FARP1: variants seen among roughly 807,000 people sequenced by gnomAD.
FARP1 encodes the protein FERM, ARHGEF and pleckstrin domain-containing protein 1.
FARP1 carries 52 observed loss-of-function variants against 128.8 expected under a neutral mutation model. The observed-to-expected ratio is 0.40, with a 90% confidence interval of 0.32 to 0.51. The LOEUF (loss-of-function observed/expected upper bound fraction) is 0.51. FARP1 is among the 20% of genes least tolerant of loss of function. The pLI is 0.45. For missense variants in FARP1, 1,333 were observed against 1,367.9 expected (o/e 0.97, Z 0.40); for synonymous variants, 580 against 551.8 (o/e 1.05, Z -0.72).
chr13:98,160,939 A>C (rs1359432198), intron 1 of FARP1, among the ~76,000 whole-genome samples: 1 of 152,034 alleles, frequency 6.6e-6, no homozygotes, highest in African/African-American at 2.4e-5. Flanking sequence ...TAACCTCCCA[A>C]AGTGCCGGGA....
chr13:98,264,543 C>T (rs1884013834), intron 2 of FARP1, among the ~76,000 whole-genome samples: 1 of 152,078 alleles, frequency 6.6e-6, no homozygotes, highest in South Asian at 2.1e-4. Context: ...CTCTTGTGCC[C>T]CAAGGCACAA....
Position 98,384,783 on chromosome 13 carries a change from A to C in FARP1, c.550A>C (p.Lys184Gln), listed in dbSNP as rs199842855. 6 of 1,613,946 alleles carry C rather than the reference A, an allele frequency of 3.7e-6. No individual in the cohort carries two copies. The highest frequency in any genetic ancestry group is 5.1e-6 in the Non-Finnish European group (6 of 1,179,822). Reference protein sequence around the residue: ...ALDREHLAKNKYIPQQDALED... With the variant: ...ALDREHLAKNQYIPQQDALED... ...GGACAGAGAGCACTTAGCAAAAAAT[A>C]AATACATACCTCAGCAAGACGCACT... The change falls in exon 7 of 27, where the codon AAA (lysine) becomes CAA (glutamine). Residue 184 changes from lysine to glutamine, a missense_variant. Lys to Gln is a moderately conservative substitution (Grantham distance 53, BLOSUM62 1). This residue lies in a region of FARP1 where 324 missense variants were observed against 398.1 expected (regional missense o/e 0.81). Coordinates refer to ENST00000319562, the MANE Select transcript of FARP1 (RefSeq NM_005766.4).
intron 2 of FARP1, among the ~76,000 whole-genome samples, chr13:98,340,024 C>G (rs1358717850): frequency 6.6e-6 from 1 of 151,668 alleles, no homozygotes; most frequent in Non-Finnish European, 1.5e-5. Flanking sequence ...TCCCCCTCCC[C>G]TCTTCTAAAG....
rs752950268 is a variant in FARP1 at position 98,176,999 on chromosome 13, T to C, written c.-24+33507T>C. On this transcript the variant is annotated intron_variant, in intron 1 of 26. Transcript: ENST00000319562. This position sits in a 1 kb window ranked among gnomAD's most constrained non-coding sequence, Gnocchi z 6.2. The stretch of plus-strand genomic sequence containing the variant: ...TCAGGCGCCGCCTCCTCGCCCCTCC[T>C]GTCGCCGTGAGCCGCCTTCTGCCAG... The C allele has an allele frequency of 6.3e-7, 1 of 1,598,266 alleles. No individual in the cohort carries two copies. Among genetic ancestry groups the C allele is most frequent in the South Asian group, 1.1e-5 (1 of 90,910 alleles).
chr13:98,259,521 C>A (rs551883726), intron 2 of FARP1, among the ~76,000 whole-genome samples: 2 of 152,094 alleles, frequency 1.3e-5, no homozygotes, highest in Non-Finnish European at 2.9e-5. Flanking sequence ...GAGGTTTCAC[C>A]GTGAGCAGGG....
intron 3 of FARP1, among the ~76,000 whole-genome samples, chr13:98,354,771 A>C (rs893022829): frequency 6.6e-6 from 1 of 152,252 alleles, no homozygotes; most frequent in Non-Finnish European, 1.5e-5. Flanking sequence ...CAAGAGAAGA[A>C]TTGTTAAACA....
intron 2 of FARP1, among the ~76,000 whole-genome samples, chr13:98,324,045 T>G (rs587142): frequency 0.26 from 39,237 of 152,190 alleles, 5,369 homozygotes; most frequent in Middle Eastern, 0.33. Context: ...TATTACTTGA[T>G]TAATATATTA....
intron 2 of FARP1, among the ~76,000 whole-genome samples, chr13:98,318,971 T>C (rs1314230183): frequency 7.4e-6 from 1 of 135,970 alleles, no homozygotes; most frequent in Admixed American, 7.3e-5. Flanking sequence ...TTTTTTTTTG[T>C]TTGTTTGTTT....
At chr13:98,445,929 G>C (rs1794397830) in intron 24 of FARP1, 169 bp from the exon 25 acceptor site, 4 of 580,184 alleles carry the variant, frequency 6.9e-6, no homozygotes, top group Non-Finnish European at 1.2e-5. Flanking sequence ...TGAGATCAGG[G>C]TCCCAGGACC....
At chr13:98,181,643 T>TATTTATTTGA (rs74946449) in intron 1 of FARP1, among the ~76,000 whole-genome samples, 1 of 38,300 alleles carries the variant, frequency 2.6e-5, no homozygotes, top group African/African-American at 1.2e-4. Context: ...TTTATTTATT[T>TATTTATTTGA]GAGAGAGAGA....
At chr13:98,285,007 C>T (rs1885096746) in intron 2 of FARP1, among the ~76,000 whole-genome samples, 2 of 152,160 alleles carry the variant, frequency 1.3e-5, no homozygotes, top group African/African-American at 4.8e-5. Flanking sequence ...GGCCCTAGAT[C>T]CGACTTTGGA....
At chr13:98,202,197 A>AC (rs1403354647) in intron 1 of FARP1, among the ~76,000 whole-genome samples, 1 of 152,154 alleles carries the variant, frequency 6.6e-6, no homozygotes, top group Non-Finnish European at 1.5e-5. Context: ...CTCCCCCGGG[A>AC]CAGAGGCACA....
Position 98,440,112 on chromosome 13 carries a change from T to C in FARP1, c.2517-11T>C. ...CTGTGGCCTGAACACCTGACGCGTC[T>C]CTGTCTCCAGTTCTCGGTCCGAGAT... is the stretch of plus-strand genomic sequence containing the variant. On this transcript the variant is annotated splice_polypyrimidine_tract_variant and intron_variant, in intron 22 of 26. Transcript: ENST00000319562. 1.9e-6 allele frequency: 3 copies of C among 1,611,248 alleles called. No individual in the cohort carries two copies. The highest frequency in any genetic ancestry group is 2.5e-6 in the Non-Finnish European group (3 of 1,177,440).
intron 2 of FARP1, among the ~76,000 whole-genome samples, chr13:98,220,557 T>G (rs565549148): frequency 6.6e-6 from 1 of 152,350 alleles, no homozygotes; most frequent in East Asian, 1.9e-4. Flanking sequence ...GGCATGGTCA[T>G]TTCTGTGTTT....
chr13:98,152,002 T>C (rs1199478348), intron 1 of FARP1, among the ~76,000 whole-genome samples: 1 of 152,154 alleles, frequency 6.6e-6, no homozygotes, highest in Non-Finnish European at 1.5e-5. Context: ...ATCAATGCTC[T>C]TTCCCGAAAA....
At chr13:98,392,158 A>G (rs1890327816) in intron 11 of FARP1, among the ~76,000 whole-genome samples, 1 of 151,726 alleles carries the variant, frequency 6.6e-6, no homozygotes, top group South Asian at 2.1e-4. Flanking sequence ...TCCTTTCTGT[A>G]TGCATATTAC....
intron 1 of FARP1, among the ~76,000 whole-genome samples, chr13:98,172,945 C>A (rs1422641196): frequency 6.6e-6 from 1 of 152,060 alleles, no homozygotes; most frequent in African/African-American, 2.4e-5. Flanking sequence ...TGAAATGTGC[C>A]AAAAAGATGC....
At chr13:98,269,608 C>A (rs1464373723) in intron 2 of FARP1, among the ~76,000 whole-genome samples, 1 of 152,234 alleles carries the variant, frequency 6.6e-6, no homozygotes, top group Non-Finnish European at 1.5e-5. Context: ...AAACACTGAA[C>A]CTTGTCCCAC....
chr13:98,440,262 A>G (rs1892469152), intron 23 of FARP1, 27 bp downstream of exon 23: 3 of 1,534,180 alleles, frequency 2.0e-6, no homozygotes, highest in Non-Finnish European at 2.7e-6. Context: ...CAGCTTTCCC[A>G]TGCAGGGGTC....
Sources: gnomAD v4.1 joint callset for allele counts (sites outside exome capture counted in the v4.1 genomes callset) on GRCh38, gnomAD v4.1.1 for gene constraint, gnomAD v4.1.1 regional missense constraint, Gnocchi (gnomAD v3.1) non-coding constraint, MANE v1.5 for transcripts, NCBI Gene and HGNC (gene_info 2026-07-23, HGNC 2026-07-21) for gene names.